The following CSMD3 variants were observed in gnomAD, a reference collection of about 807,000 sequenced individuals.
CSMD3 encodes CUB and Sushi multiple domains 3.
CSMD3 carries 177 observed loss-of-function variants against 435.2 expected under a neutral mutation model. The ratio of observed to expected loss-of-function variants is 0.41; its 90% CI spans 0.36 to 0.46. The LOEUF (loss-of-function observed/expected upper bound fraction) is 0.46. Among genes scored for constraint, CSMD3 ranks in the 20% least tolerant of loss-of-function variants. CSMD3 has a pLI of 0.34. For synonymous variants in CSMD3, 1,656 were observed against 1,520.5 expected (o/e 1.09, Z -2.07); for missense variants, 4,265 against 4,504.6 (o/e 0.95, Z 1.52).
chr8:112,841,141 A>C (rs2132531329), intron 11 of CSMD3, among the ~76,000 whole-genome samples: 1 of 151,830 alleles, frequency 6.6e-6, no homozygotes, highest in South Asian at 2.1e-4. Context: ...GAATGAAAAG[A>C]GGAACTATTT....
At chr8:113,274,514 T>G (rs2093554518) in intron 3 of CSMD3, among the ~76,000 whole-genome samples, 1 of 152,056 alleles carries the variant, frequency 6.6e-6, no homozygotes, top group South Asian at 2.1e-4. Flanking sequence ...CAACATTTCC[T>G]CCATTAGCTT....
chr8:113,144,639 T>C (rs139493285), intron 4 of CSMD3, among the ~76,000 whole-genome samples: 240 of 151,724 alleles, frequency 1.6e-3, no homozygotes, highest in African/African-American at 5.7e-3. Context: ...TTTCTGTTGC[T>C]TTCTTACTCT....
chr8:113,265,528 T>G (rs1421983147), intron 3 of CSMD3, among the ~76,000 whole-genome samples: 1 of 151,650 alleles, frequency 6.6e-6, no homozygotes, highest in African/African-American at 2.4e-5. Flanking sequence ...AAAGCATCTA[T>G]AGTATTGCTA....
intron 3 of CSMD3, among the ~76,000 whole-genome samples, chr8:113,225,766 C>T (rs1034361419): frequency 6.6e-6 from 1 of 151,414 alleles, no homozygotes; most frequent in East Asian, 1.9e-4. Flanking sequence ...GCTGTACCTG[C>T]GAGTCTCCAG....
intron 5 of CSMD3, among the ~76,000 whole-genome samples, chr8:113,072,940 A>C (rs1333900755): frequency 2.0e-5 from 3 of 151,718 alleles, no homozygotes; most frequent in Non-Finnish European, 4.4e-5. Context: ...ATCCTTACTC[A>C]ACAATAACAA....
chr8:112,380,305 T>C (rs1367964673), intron 38 of CSMD3, 47 bp downstream of exon 38: 2 of 1,011,988 alleles, frequency 2.0e-6, no homozygotes, highest in Middle Eastern at 2.4e-4. Flanking sequence ...TTAATTAATA[T>C]AAACTTGTTC....
intron 1 of CSMD3, among the ~76,000 whole-genome samples, chr8:113,347,562 G>A (rs1017083018): frequency 6.6e-6 from 1 of 152,088 alleles, no homozygotes; most frequent in African/African-American, 2.4e-5. Flanking sequence ...GAGTGGGAGC[G>A]ACAGCTAAGA....
intron 12 of CSMD3, among the ~76,000 whole-genome samples, chr8:112,806,999 C>CCAGA (rs1356656242): frequency 5.3e-5 from 8 of 152,174 alleles, no homozygotes; most frequent in Non-Finnish European, 1.0e-4. Flanking sequence ...TTGCCTCTGG[C>CCAGA]CAGACCACCA....
At chr8:112,403,714 AC>A (rs2129959760) in intron 35 of CSMD3, among the ~76,000 whole-genome samples, 1 of 151,646 alleles carries the variant, frequency 6.6e-6, no homozygotes, top group African/African-American at 2.4e-5. Flanking sequence ...ACTTCTTAAT[AC>A]CCCCACATGG....
At chr8:112,685,267 C>A (rs1342586093) in intron 15 of CSMD3, 139 bp downstream of exon 15, 62 of 654,292 alleles carry the variant, frequency 9.5e-5, no homozygotes, top group Non-Finnish European at 9.3e-5. Context: ...GAAGAAATGA[C>A]CATCCTTGGC....
chr8:112,815,266 G>GT (rs2079341245), intron 12 of CSMD3, among the ~76,000 whole-genome samples: 1 of 152,060 alleles, frequency 6.6e-6, no homozygotes, highest in Admixed American at 6.6e-5. Context: ...AATAATTGTT[G>GT]TTTTAACTTT....
intron 32 of CSMD3, among the ~76,000 whole-genome samples, chr8:112,457,788 C>T (rs2130651074): frequency 6.6e-6 from 1 of 152,108 alleles, no homozygotes; most frequent in East Asian, 1.9e-4. Flanking sequence ...AACTCCTGGA[C>T]TAGCTTCTCC....
At chr8:112,347,250 T>C (rs1466954007) in intron 40 of CSMD3, among the ~76,000 whole-genome samples, 1 of 152,186 alleles carries the variant, frequency 6.6e-6, no homozygotes, top group Non-Finnish European at 1.5e-5. Flanking sequence ...CCCTTGAGCA[T>C]ATATGAAAGG....
intron 42 of CSMD3, among the ~76,000 whole-genome samples, chr8:112,337,964 C>T (rs1245952899): frequency 1.3e-5 from 2 of 152,160 alleles, no homozygotes; most frequent in Non-Finnish European, 2.9e-5. Context: ...CGCATGCTTT[C>T]TTCACCTACT....
chr8:113,139,617 C>T (rs2131723844), intron 4 of CSMD3, among the ~76,000 whole-genome samples: 1 of 151,116 alleles, frequency 6.6e-6, no homozygotes, highest in Admixed American at 6.6e-5. Context: ...TAAATTTAAA[C>T]AGCATTCCAC....
intron 12 of CSMD3, among the ~76,000 whole-genome samples, chr8:112,817,575 A>T (rs2079410752): frequency 6.6e-6 from 1 of 152,078 alleles, no homozygotes; most frequent in South Asian, 2.1e-4. Context: ...GACGACTCTG[A>T]AGTTGCCAGG....
intron 4 of CSMD3, among the ~76,000 whole-genome samples, chr8:113,154,877 C>T (rs1293757233): frequency 1.2e-4 from 18 of 151,922 alleles, no homozygotes; most frequent in Admixed American, 9.8e-4. Context: ...GTTAAGCTCC[C>T]GAACAATTCA....
intron 30 of CSMD3, among the ~76,000 whole-genome samples, chr8:112,493,569 AT>A (rs1204513708): frequency 1.3e-5 from 2 of 152,156 alleles, no homozygotes; most frequent in African/African-American, 4.8e-5. Flanking sequence ...AAACCACAGT[AT>A]TTTTTGACAG....
intron 9 of CSMD3, among the ~76,000 whole-genome samples, chr8:112,939,636 A>C (rs2083390256): frequency 6.6e-6 from 1 of 152,056 alleles, no homozygotes; most frequent in Non-Finnish European, 1.5e-5. Context: ...AATTGTTATA[A>C]AAAGTTGAAA....
Sources: allele counts gnomAD v4.1 joint callset (sites outside exome capture counted in the v4.1 genomes callset), GRCh38; gene constraint gnomAD v4.1.1; transcripts MANE v1.5; gene names NCBI Gene and HGNC (gene_info 2026-07-23, HGNC 2026-07-21).